Variants in SEMA3A observed in about 807,000 individuals in gnomAD.
The protein encoded by SEMA3A is semaphorin 3A.
A neutral mutation model predicts 97.9 loss-of-function variants in SEMA3A; 29 were observed. The observed-to-expected ratio is 0.30, with a 90% CI of 0.22 to 0.40. The LOEUF (loss-of-function observed/expected upper bound fraction) is 0.40, where lower values mean the gene tolerates loss of function less well. SEMA3A is among the 10% of genes least tolerant of loss of function. The pLI is 1.00. For missense variants in SEMA3A, 763 were observed against 951.3 expected (o/e 0.80, Z 2.60); for synonymous variants, 321 against 323.7 (o/e 0.99, Z 0.09).
At chr7:84,123,642 A>C (rs1795699886) in intron 3 of SEMA3A, among the ~76,000 whole-genome samples, 1 of 149,854 alleles carries the variant, frequency 6.7e-6, no homozygotes, top group South Asian at 2.1e-4. Context: ...ATATAGAAAA[A>C]ATATATAAAT....
intron 1 of SEMA3A, among the ~76,000 whole-genome samples, chr7:84,190,507 T>C (rs188702798): frequency 1.3e-5 from 2 of 151,602 alleles, no homozygotes; most frequent in East Asian, 3.9e-4. Flanking sequence ...GCTCTATGCA[T>C]GTGTGTATGT....
At chr7:84,373,912 A>G (rs1562924158) in intron 1 of SEMA3A, among the ~76,000 whole-genome samples, 1 of 152,222 alleles carries the variant, frequency 6.6e-6, no homozygotes, top group Non-Finnish European at 1.5e-5. Flanking sequence ...TTTTTTAACA[A>G]GTAGTTGTTG....
At position 83,961,743 on chromosome 7, in the gene SEMA3A, G is replaced by C; in HGVS notation, c.1944C>G (p.Leu648=). The C allele has an allele frequency of 6.2e-7, 1 of 1,613,894 alleles. No homozygotes were observed. Among genetic ancestry groups the C allele is most frequent in the Non-Finnish European group, 8.5e-7 (1 of 1,179,854 alleles). The change falls in exon 17 of 17, where the codon CTC becomes CTG. Residue 648 remains leucine, a synonymous_variant. Coordinates refer to ENST00000265362, the MANE Select transcript of SEMA3A (RefSeq NM_006080.3). ...TGAACCCATGTTCCACCGCATGGCA[G>C]AGGTAATTGCCTGAATCCTTCTGTT... is the stretch of plus-strand genomic sequence containing the variant. ...SLQQKDSGNY[L]CHAVEHGFIQ...
intron 2 of SEMA3A, among the ~76,000 whole-genome samples, chr7:84,334,211 A>T (rs1366201083): frequency 6.6e-6 from 1 of 152,032 alleles, no homozygotes; most frequent in Non-Finnish European, 1.5e-5. Flanking sequence ...TTTATTTTCC[A>T]TTTATATATT....
chr7:84,351,624 C>T (rs925379391), intron 2 of SEMA3A, among the ~76,000 whole-genome samples: 3 of 151,868 alleles, frequency 2.0e-5, no homozygotes, highest in African/African-American at 7.3e-5. Flanking sequence ...AAAAAGTACT[C>T]AACATTACTG....
At chr7:84,393,961 G>A (rs1010111286) in intron 1 of SEMA3A, among the ~76,000 whole-genome samples, 2 of 152,014 alleles carry the variant, frequency 1.3e-5, no homozygotes, top group Admixed American at 1.3e-4. Flanking sequence ...GCCCAATTCT[G>A]GCCAAAGTAA....
intron 12 of SEMA3A, among the ~76,000 whole-genome samples, chr7:83,987,216 G>A (rs2064410549): frequency 6.6e-6 from 1 of 151,728 alleles, no homozygotes; most frequent in African/African-American, 2.4e-5. Flanking sequence ...CTTGTTTGCA[G>A]GTTTGGGGCA....
In SEMA3A at chr7:84,154,357, C is replaced by A. The variant is rs556333214; in HGVS notation, c.113-19406G>T. Among the ~76,000 whole-genome samples the A allele has an allele frequency of 1.2e-3, 182 of 152,176 alleles. 1 individual carries two copies. Among genetic ancestry groups the A allele is most frequent in the Non-Finnish European group, 2.1e-3 (146 of 68,000 alleles). On this transcript the variant is annotated intron_variant, in intron 1 of 16. Transcript: ENST00000265362. ...TTGAAAAGTCAATACAGATAAGTTT[C>A]TTTCTTTAAGGTAAATAGAACATAA...
At chr7:84,243,263 G>C (rs762294438) in intron 3 of SEMA3A, among the ~76,000 whole-genome samples, 40 of 152,148 alleles carry the variant, frequency 2.6e-4, no homozygotes, top group Admixed American at 7.2e-4. Flanking sequence ...ATTCGGCTGT[G>C]AATCTGTCTG....
intron 12 of SEMA3A, among the ~76,000 whole-genome samples, chr7:83,993,320 A>C (rs890611300): frequency 2.8e-4 from 41 of 146,154 alleles, no homozygotes; most frequent in African/African-American, 1.0e-3. Flanking sequence ...TTTACATTTA[A>C]AGTTAATATT....
intron 1 of SEMA3A, among the ~76,000 whole-genome samples, chr7:84,474,551 G>A (rs1806231014): frequency 6.6e-6 from 1 of 152,128 alleles, no homozygotes; most frequent in South Asian, 2.1e-4. Context: ...CTAGGTAGGT[G>A]TAATGAGGAA....
chr7:84,147,266 G>A (rs772268350), intron 1 of SEMA3A, among the ~76,000 whole-genome samples: 7 of 152,120 alleles, frequency 4.6e-5, no homozygotes, highest in African/African-American at 7.2e-5. Flanking sequence ...ACTTAAGAAT[G>A]ATTTATTTAA....
At chr7:84,107,212 C>CT (rs1252363085) in intron 4 of SEMA3A, among the ~76,000 whole-genome samples, 1 of 152,126 alleles carries the variant, frequency 6.6e-6, no homozygotes, top group South Asian at 2.1e-4. Flanking sequence ...TACACTGTCT[C>CT]TTTTTTTCAA....
At chr7:84,477,163 G>A (rs910033262) in intron 1 of SEMA3A, among the ~76,000 whole-genome samples, 14 of 150,184 alleles carry the variant, frequency 9.3e-5, no homozygotes, top group Non-Finnish European at 1.9e-4. Context: ...AATAGGCAGG[G>A]TGCTGTGGCT....
chr7:83,978,292 A>C (rs1584498065), intron 14 of SEMA3A, among the ~76,000 whole-genome samples: 1 of 152,172 alleles, frequency 6.6e-6, no homozygotes, highest in Admixed American at 6.5e-5. Context: ...TTTGCTTATA[A>C]AAATCAAACG....
chr7:84,326,337 A>G (rs1006583633), intron 2 of SEMA3A, among the ~76,000 whole-genome samples: 2 of 152,172 alleles, frequency 1.3e-5, no homozygotes, highest in African/African-American at 2.4e-5. Context: ...AGAGACAAAT[A>G]TAAACCAAAG....
intron 1 of SEMA3A, among the ~76,000 whole-genome samples, chr7:84,429,517 T>TAC: frequency 4.7e-5 from 1 of 21,138 alleles, no homozygotes; most frequent in South Asian, 1.4e-3. Flanking sequence ...TAGAGTTTGT[T>TAC]ATATATATAT....
chr7:84,312,207 A>G (rs73711517), intron 2 of SEMA3A, among the ~76,000 whole-genome samples: 2,804 of 152,036 alleles, frequency 0.018, 90 homozygotes, highest in African/African-American at 0.064. Context: ...TTTATTTTTC[A>G]GTGAGATCAT....
chr7:84,214,950 C>A (rs892219642), intron 3 of SEMA3A, among the ~76,000 whole-genome samples: 4 of 151,582 alleles, frequency 2.6e-5, no homozygotes, highest in Non-Finnish European at 5.9e-5. Context: ...ATCCGCCCCC[C>A]CTTGGCCTCC....
Sources: allele counts gnomAD v4.1 joint callset (sites outside exome capture counted in the v4.1 genomes callset), GRCh38; gene constraint gnomAD v4.1.1; transcripts MANE v1.5; gene names NCBI Gene and HGNC (gene_info 2026-07-23, HGNC 2026-07-21).